ABHD5: variants seen among roughly 807,000 people sequenced by gnomAD.
The protein encoded by ABHD5 is 1-acylglycerol-3-phosphate O-acyltransferase ABHD5.
ABHD5 carries 30 observed loss-of-function variants against 44.9 expected under a neutral mutation model. The observed-to-expected ratio is 0.67, with a 90% CI of 0.50 to 0.91. The LOEUF (loss-of-function observed/expected upper bound fraction) is 0.91, where lower values mean the gene tolerates loss of function less well. ABHD5 is among the 40% of genes least tolerant of loss of function. The pLI is 0.00. For missense variants in ABHD5, 399 were observed against 423.4 expected (o/e 0.94, Z 0.50); for synonymous variants, 167 against 147.0 (o/e 1.14, Z -0.99).
intron 7 of ABHD5, among the ~76,000 whole-genome samples, chr3:43,733,387 A>G (rs1450558832): frequency 1.2e-4 from 19 of 152,202 alleles, no homozygotes; most frequent in Admixed American, 1.2e-3. Flanking sequence ...ATAATCAATC[A>G]CTGTTTGTTG....
Position 43,690,950 on chromosome 3 carries a change from A to T in ABHD5, c.-43A>T, listed in dbSNP as rs774659838. On this transcript the variant is annotated 5_prime_UTR_variant, in exon 1 of 7. Transcript: ENST00000644371. ...CCCGGGGCGGCCCAGTCGGCCTGTCAGCCGGCTTCGAGATAAGTCCCGGCG... is the reference window on the plus strand; with the variant it reads ...CCCGGGGCGGCCCAGTCGGCCTGTCTGCCGGCTTCGAGATAAGTCCCGGCG... 3.2e-6 allele frequency: 5 copies of T among 1,546,642 alleles called. No homozygotes were observed.
At chr3:43,723,175 G>A (rs543763171), downstream of ABHD5, among the ~76,000 whole-genome samples, 6 of 152,170 alleles carry the variant, frequency 3.9e-5, no homozygotes, top group Admixed American at 6.6e-5. Flanking sequence ...TATATAAAAC[G>A]GCCATGAGAT....
chr3:43,691,067 G>A (rs1253865131), intron 1 of ABHD5, 28 bp downstream of exon 1: 6 of 1,529,596 alleles, frequency 3.9e-6, no homozygotes, highest in African/African-American at 1.4e-5. Flanking sequence ...GGGGCTTCGT[G>A]TGTCTCCGGC....
At chr3:43,703,898 C>T (rs2084580254) in intron 3 of ABHD5, among the ~76,000 whole-genome samples, 1 of 152,154 alleles carries the variant, frequency 6.6e-6, no homozygotes, top group Non-Finnish European at 1.5e-5. Flanking sequence ...TTAGCATTTA[C>T]ACCTGATTTT....
intron 5 of ABHD5, among the ~76,000 whole-genome samples, chr3:43,715,967 G>C (rs1363111467): frequency 6.6e-6 from 1 of 152,206 alleles, no homozygotes; most frequent in East Asian, 1.9e-4. Context: ...CAGCTGCAGA[G>C]GGTGAGGAGT....
At chr3:43,699,413 A>G (rs779836619) in intron 2 of ABHD5, 52 bp downstream of exon 2, 3 of 1,475,876 alleles carry the variant, frequency 2.0e-6, no homozygotes, top group African/African-American at 2.8e-5. Context: ...GATAGGTCCA[A>G]TATATCTCAT....
At chr3:43,712,532 T>C (rs2149602859) in intron 4 of ABHD5, among the ~76,000 whole-genome samples, 1 of 152,314 alleles carries the variant, frequency 6.6e-6, no homozygotes, top group South Asian at 2.1e-4. Context: ...CAGATAATGA[T>C]GTTCTGAACT....
At chr3:43,703,097 C>A (rs1018288776) in intron 3 of ABHD5, among the ~76,000 whole-genome samples, 2 of 152,000 alleles carry the variant, frequency 1.3e-5, no homozygotes, top group Admixed American at 6.6e-5. Context: ...TTTTATTATA[C>A]CATACCCTAA....
At chr3:43,696,177 C>G (rs2084472253) in intron 1 of ABHD5, among the ~76,000 whole-genome samples, 1 of 152,190 alleles carries the variant, frequency 6.6e-6, no homozygotes, top group Admixed American at 6.5e-5. Flanking sequence ...CTTTGTATTA[C>G]AGTTGACACT....
At chr3:43,723,378 G>A (rs773680592), downstream of ABHD5, among the ~76,000 whole-genome samples, 2 of 152,092 alleles carry the variant, frequency 1.3e-5, no homozygotes, top group African/African-American at 2.4e-5. Flanking sequence ...TTAGGAAATC[G>A]CCATTTTGCC....
chr3:43,717,221 C>T (rs1435323785), intron 5 of ABHD5, among the ~76,000 whole-genome samples: 1 of 151,806 alleles, frequency 6.6e-6, no homozygotes, highest in Non-Finnish European at 1.5e-5. Flanking sequence ...GCAGAAGTGA[C>T]AGCAAGATAG....
intron 1 of ABHD5, 77 bp from the exon 2 acceptor site, chr3:43,699,195 CCTTT>C (rs2149593928): frequency 1.6e-6 from 2 of 1,243,086 alleles, no homozygotes; most frequent in Non-Finnish European, 2.4e-6. Flanking sequence ...TCCTGTGCTG[CCTTT>C]CTTCTGTGCA....
intron 7 of ABHD5, among the ~76,000 whole-genome samples, chr3:43,729,927 A>G (rs770762797): frequency 6.6e-6 from 1 of 152,226 alleles, no homozygotes; most frequent in East Asian, 1.9e-4. Context: ...ACTATACTGC[A>G]AAGTAAACAT....
At position 43,720,547 on chromosome 3, in the gene ABHD5, A is replaced by C. The variant is rs2149608366; in HGVS notation, c.*2015A>C. ...GTATAGTATATGTAATTTTGTGAAG[A>C]TTGAGCTGGAAGGGAAGTTCACAAT... On this transcript the variant is annotated 3_prime_UTR_variant, in exon 7 of 7. Transcript: ENST00000644371. The C allele has an allele frequency of 6.6e-6, 1 of 152,348 alleles. No homozygotes were observed. The highest frequency in any genetic ancestry group is 1.9e-4 in the East Asian group (1 of 5,190). 9.4% of individuals were successfully genotyped at this position (152,348 alleles called of 1,614,324 possible).
intron 2 of ABHD5, among the ~76,000 whole-genome samples, chr3:43,700,866 G>A (rs754116291): frequency 9.9e-5 from 15 of 152,186 alleles, no homozygotes; most frequent in Non-Finnish European, 1.3e-4. Context: ...GAGCTACCAC[G>A]CCCAGTTATT....
In ABHD5 at chr3:43,722,630, T is replaced by C. The variant is rs2084850377; in HGVS notation, c.*4098T>C. 1 of 152,220 alleles carries C rather than the reference T, an allele frequency of 6.6e-6. No individual in the cohort carries two copies. Among genetic ancestry groups the C allele is most frequent in the African/African-American group, 2.4e-5 (1 of 41,468 alleles). 9.4% of individuals were successfully genotyped at this position (152,220 alleles called of 1,614,324 possible). A position where few individuals can be genotyped will look rare whatever the true frequency, so the allele number is the denominator to read the frequency against. On this transcript the variant is annotated 3_prime_UTR_variant, in exon 7 of 7. Coordinates refer to ENST00000644371, the MANE Select transcript of ABHD5 (RefSeq NM_016006.6). ...TGGTGATATAACCCCACAGAAGACT[T>C]ACTTCAAGTGACTTGAAAACTTAGT...
chr3:43,710,393 G>A (rs867069737), intron 3 of ABHD5, among the ~76,000 whole-genome samples: 4 of 152,144 alleles, frequency 2.6e-5, no homozygotes, highest in African/African-American at 7.2e-5. Flanking sequence ...AAAGCCTTCT[G>A]CCCAATTCCT....
Position 43,718,637 on chromosome 3 carries a change from C to T in ABHD5, c.*105C>T, listed in dbSNP as rs540845485. The T allele has an allele frequency of 6.4e-6, 7 of 1,092,510 alleles. No individual in the cohort carries two copies. Among genetic ancestry groups the T allele is most frequent in the Admixed American group, 3.5e-5 (2 of 56,416 alleles). 67.7% of individuals were successfully genotyped at this position (1,092,510 alleles called of 1,614,324 possible). A position where few individuals can be genotyped will look rare whatever the true frequency, so the allele number is the denominator to read the frequency against. On this transcript the variant is annotated 3_prime_UTR_variant, in exon 7 of 7. Coordinates refer to ENST00000644371, the MANE Select transcript of ABHD5 (RefSeq NM_016006.6). ...GTGAATACAACACACAACCAGGCAG[C>T]CTTCTTGACTATACTTTGCACATGT...
At chr3:43,698,621 T>C (rs1301877666) in intron 1 of ABHD5, among the ~76,000 whole-genome samples, 1 of 152,198 alleles carries the variant, frequency 6.6e-6, no homozygotes, top group Non-Finnish European at 1.5e-5. Context: ...TGTTCTTTGT[T>C]GTGCTGTCTT....
Sources: gnomAD v4.1 joint callset for allele counts (sites outside exome capture counted in the v4.1 genomes callset) on GRCh38, gnomAD v4.1.1 for gene constraint, MANE v1.5 for transcripts, NCBI Gene and HGNC (gene_info 2026-07-23, HGNC 2026-07-21) for gene names.